The following DAB1 variants were observed in gnomAD, a reference collection of about 807,000 sequenced individuals.
DAB1 encodes the protein disabled homolog 1.
In DAB1, 15 loss-of-function variants were observed where a neutral mutation model predicts 64.6. The observed-to-expected ratio is 0.23, with a 90% CI of 0.16 to 0.36. DAB1 has a LOEUF of 0.36. Ranked by LOEUF, DAB1 falls within the 10% of genes least tolerant of loss-of-function variation. DAB1 has a pLI of 1.00. For synonymous variants in DAB1, 235 were observed against 251.9 expected (o/e 0.93, Z 0.64); for missense variants, 596 against 706.7 (o/e 0.84, Z 1.78).
intron 1 of DAB1, among the ~76,000 whole-genome samples, chr1:57,342,969 CCA>C (rs939388821): frequency 6.6e-6 from 1 of 152,128 alleles, no homozygotes; most frequent in African/African-American, 2.4e-5. Context: ...AACAAAGCTT[CCA>C]CAGCTCAGAA....
chr1:57,898,326 C>T (rs974437592), intron 5 of DAB1, among the ~76,000 whole-genome samples: 2 of 152,152 alleles, frequency 1.3e-5, no homozygotes, highest in Non-Finnish European at 2.9e-5. Context: ...GGGATTTTTC[C>T]ATATTTCTTT....
At chr1:58,079,515 CTTTTTTTTTTT>C (rs66960756) in intron 5 of DAB1, among the ~76,000 whole-genome samples, 1 of 67,808 alleles carries the variant, frequency 1.5e-5, no homozygotes, top group Non-Finnish European at 2.6e-5. Flanking sequence ...AGCATACCAT[CTTTTTTTTTTT>C]TTTTTTTTTT....
rs146471474 is a variant in DAB1, at chr1:58,293,847, A to G, written n.309+49505T>C. Among the ~76,000 whole-genome samples the G allele has an allele frequency of 1.6e-3, 246 of 152,352 alleles. 1 individual carries two copies. The highest frequency in any genetic ancestry group is 5.6e-3 in the African/African-American group (232 of 41,596). ...GAAATGTCCCAATGTGAAGTAATAA[A>G]TGGATATTTTGGTGAAATCTGCTTA... On this transcript the variant is annotated intron_variant and non_coding_transcript_variant, in intron 4 of 20. Transcript: ENST00000485760.
intron 3 of DAB1, among the ~76,000 whole-genome samples, chr1:58,428,474 T>C (rs369796273): frequency 4.6e-5 from 7 of 152,328 alleles, no homozygotes; most frequent in African/African-American, 1.2e-4. Flanking sequence ...AAGGTATCCA[T>C]ACATTTAGAG....
chr1:57,110,264 C>A (rs1295912584), intron 4 of DAB1, among the ~76,000 whole-genome samples: 1 of 152,178 alleles, frequency 6.6e-6, no homozygotes, highest in South Asian at 2.1e-4. Flanking sequence ...TCTAATGGTA[C>A]AAAATATTCT....
intron 4 of DAB1, among the ~76,000 whole-genome samples, chr1:58,264,002 A>G (rs1661105757): frequency 6.6e-6 from 1 of 152,206 alleles, no homozygotes; most frequent in African/African-American, 2.4e-5. Flanking sequence ...ACTTATAATC[A>G]TGTACTTGCA....
chr1:57,699,874 C>T (rs1313386889), intron 6 of DAB1, among the ~76,000 whole-genome samples: 4 of 152,118 alleles, frequency 2.6e-5, no homozygotes, highest in Non-Finnish European at 5.9e-5. Flanking sequence ...GATCACACCA[C>T]TACACTCCAG....
chr1:57,357,984 T>C (rs1041907412), intron 1 of DAB1, among the ~76,000 whole-genome samples: 2 of 152,160 alleles, frequency 1.3e-5, no homozygotes, highest in Admixed American at 6.6e-5. Flanking sequence ...CTATTGATTT[T>C]CATATGTTGA....
rs60734651 is a variant in DAB1 at position 57,400,552 on chromosome 1, C to CT, written c.-137+23377dup. Among the ~76,000 whole-genome samples the CT allele has an allele frequency of 2.1e-3, 285 of 137,488 alleles. 1 individual carries two copies. The highest frequency in any genetic ancestry group is 0.016 in the East Asian group (75 of 4,688). 90.2% of individuals were successfully genotyped at this position (137,488 alleles called of 152,430 possible). On this transcript the variant is annotated intron_variant, in intron 1 of 14. Coordinates refer to ENST00000371236, the MANE Select transcript of DAB1 (RefSeq NM_001365792.1). ...TCAAGCACTACTTGCCAGTATCAGT[C>CT]TTTTTTTTTTTTTTTTAACAAGCCA... is the stretch of plus-strand genomic sequence containing the variant.
chr1:57,109,839 C>T (rs1655499872), intron 4 of DAB1, among the ~76,000 whole-genome samples: 1 of 152,136 alleles, frequency 6.6e-6, no homozygotes, highest in African/African-American at 2.4e-5. Context: ...TAAATGATTT[C>T]TAAACTCAAT....
intron 1 of DAB1, among the ~76,000 whole-genome samples, chr1:57,848,116 T>G (rs1158818727): frequency 6.6e-6 from 1 of 152,172 alleles, no homozygotes. Context: ...TTAAACAACC[T>G]TAAAGAAAGA....
At chr1:58,363,664 T>C (rs895628869) in intron 3 of DAB1, among the ~76,000 whole-genome samples, 1 of 152,192 alleles carries the variant, frequency 6.6e-6, no homozygotes, top group Non-Finnish European at 1.5e-5. Flanking sequence ...ATCAACTGTG[T>C]CCATGCATAA....
At chr1:57,236,886 C>T (rs1473502278) in intron 2 of DAB1, among the ~76,000 whole-genome samples, 3 of 152,134 alleles carry the variant, frequency 2.0e-5, no homozygotes, top group African/African-American at 2.4e-5. Context: ...AGGACTCCAT[C>T]GTGAGGGAAA....
intron 6 of DAB1, among the ~76,000 whole-genome samples, chr1:57,661,559 T>C (rs980281335): frequency 1.2e-4 from 19 of 152,130 alleles, no homozygotes; most frequent in African/African-American, 4.6e-4. Context: ...CACTAGAAGA[T>C]AGTGTACAGT....
At chr1:58,327,957 G>C (rs1413493965) in intron 4 of DAB1, among the ~76,000 whole-genome samples, 2 of 152,182 alleles carry the variant, frequency 1.3e-5, no homozygotes, top group South Asian at 4.1e-4. Context: ...CAGTTCCTTA[G>C]GGTCCCTCCA....
chr1:57,073,063 G>T (rs12131230), intron 4 of DAB1, among the ~76,000 whole-genome samples: 5 of 152,090 alleles, frequency 3.3e-5, no homozygotes, highest in African/African-American at 1.2e-4. Context: ...TTCAATGGCC[G>T]TATGAAATAG....
At chr1:57,597,800 A>G (rs1055974301) in intron 7 of DAB1, among the ~76,000 whole-genome samples, 1 of 152,232 alleles carries the variant, frequency 6.6e-6, no homozygotes, top group Admixed American at 6.5e-5. Flanking sequence ...TGAACCCAGG[A>G]CATAGACTTA....
At chr1:58,056,138 T>G in intron 5 of DAB1, 2 of 1,331,708 alleles carry the variant, frequency 1.5e-6, no homozygotes, top group South Asian at 2.3e-5. Flanking sequence ...GCTCCTTACA[T>G]GGGCTTTGGT....
At chr1:57,883,104 GA>G (rs1423762687) in intron 1 of DAB1, among the ~76,000 whole-genome samples, 1 of 152,154 alleles carries the variant, frequency 6.6e-6, no homozygotes, top group Non-Finnish European at 1.5e-5. Flanking sequence ...CTCCCTCACA[GA>G]ATCTCAGAGT....
Sources: allele counts gnomAD v4.1 joint callset (sites outside exome capture counted in the v4.1 genomes callset), GRCh38; gene constraint gnomAD v4.1.1; transcripts MANE v1.5; gene names NCBI Gene and HGNC (gene_info 2026-07-23, HGNC 2026-07-21).